PCDH15: variants seen among roughly 807,000 people sequenced by gnomAD.
The protein encoded by PCDH15 is protocadherin-15.
PCDH15 carries 129 observed loss-of-function variants against 178.5 expected under a neutral mutation model. That is an observed-to-expected ratio of 0.72 (90% CI 0.63 to 0.84). The LOEUF is 0.84. PCDH15 is among the 40% of genes least tolerant of loss of function. The probability of loss-of-function intolerance (pLI) is 0.00; values close to 1 mark genes in which losing one functional copy is unlikely to be tolerated. For missense variants in PCDH15, 2,230 were observed against 2,099.9 expected, an observed-to-expected ratio of 1.06 and a Z score of -1.21; for synonymous variants, 800 against 732.0, an observed-to-expected ratio of 1.09 and a Z score of -1.50.
At chr10:55,483,881 T>C (rs185177307) in intron 2 of PCDH15, among the ~76,000 whole-genome samples, 43 of 149,474 alleles carry the variant, frequency 2.9e-4, no homozygotes, top group African/African-American at 9.3e-4. Context: ...CTATTCACAA[T>C]AGCAAAGACA....
intron 10 of PCDH15, among the ~76,000 whole-genome samples, chr10:54,201,157 A>G (rs917787277): frequency 1.3e-5 from 2 of 152,200 alleles, no homozygotes; most frequent in African/African-American, 4.8e-5. Context: ...ATATGGAAAA[A>G]GTGAAAACCA....
chr10:54,229,611 C>T (rs1004944296), intron 9 of PCDH15, among the ~76,000 whole-genome samples: 1 of 152,126 alleles, frequency 6.6e-6, no homozygotes, highest in Non-Finnish European at 1.5e-5. Flanking sequence ...GAATAAGTCT[C>T]ACAAGATCTG....
chr10:54,765,170 T>C (rs1044393721), intron 1 of PCDH15, among the ~76,000 whole-genome samples: 2 of 152,124 alleles, frequency 1.3e-5, no homozygotes, highest in African/African-American at 2.4e-5. Flanking sequence ...AAATTTCACA[T>C]AGGCCACGTG....
intron 1 of PCDH15, among the ~76,000 whole-genome samples, chr10:55,273,210 A>C (rs1842492958): frequency 6.6e-6 from 1 of 152,144 alleles, no homozygotes; most frequent in Non-Finnish European, 1.5e-5. Context: ...AATAATACTA[A>C]AATAAATCAA....
At chr10:54,228,580 G>A (rs1241925515) in intron 9 of PCDH15, among the ~76,000 whole-genome samples, 1 of 152,262 alleles carries the variant, frequency 6.6e-6, no homozygotes, top group Non-Finnish European at 1.5e-5. Context: ...TTTTTTATCA[G>A]GTCCAGAGGC....
At chr10:55,584,923 A>G (rs1842695656) in intron 2 of PCDH15, among the ~76,000 whole-genome samples, 2 of 151,430 alleles carry the variant, frequency 1.3e-5, no homozygotes, top group African/African-American at 4.8e-5. Context: ...GTATTTGAGT[A>G]ATATATAGTT....
intron 2 of PCDH15, among the ~76,000 whole-genome samples, chr10:55,157,084 T>A (rs1002671357): frequency 6.6e-6 from 1 of 151,944 alleles, no homozygotes; most frequent in African/African-American, 2.4e-5. Context: ...ACTTTCATAA[T>A]AAAGTATCTT....
At chr10:54,999,212 C>T (rs1005564178) in intron 2 of PCDH15, among the ~76,000 whole-genome samples, 5 of 152,138 alleles carry the variant, frequency 3.3e-5, no homozygotes, top group African/African-American at 1.2e-4. Context: ...ATTGATAGGA[C>T]AACCTAGCCA....
intron 1 of PCDH15, among the ~76,000 whole-genome samples, chr10:54,793,935 T>C (rs963130774): frequency 4.7e-5 from 7 of 147,604 alleles, no homozygotes; most frequent in East Asian, 2.0e-4. Context: ...CAAAGTTGTA[T>C]AGGAAAACTT....
chr10:55,220,647 G>A (rs963777214), intron 1 of PCDH15, among the ~76,000 whole-genome samples: 5 of 151,938 alleles, frequency 3.3e-5, no homozygotes, highest in East Asian at 3.9e-4. Context: ...TGGTAAGTAC[G>A]TACGTATCTA....
At chr10:55,395,168 C>CGTGTGTGTGTGT (rs35472682) in intron 2 of PCDH15, among the ~76,000 whole-genome samples, 2 of 127,926 alleles carry the variant, frequency 1.6e-5, no homozygotes, top group African/African-American at 6.3e-5. Flanking sequence ...TATTTAACTG[C>CGTGTGTGTGTGT]GTGTGTGTGT....
chr10:54,956,944 C>A (rs747527526), intron 2 of PCDH15, among the ~76,000 whole-genome samples: 32 of 151,550 alleles, frequency 2.1e-4, no homozygotes, highest in Admixed American at 7.9e-4. Context: ...AGGAAGGGAA[C>A]CTTTATCTGT....
intron 2 of PCDH15, among the ~76,000 whole-genome samples, chr10:55,365,715 A>G (rs542206004): frequency 6.6e-6 from 1 of 152,166 alleles, no homozygotes; most frequent in East Asian, 1.9e-4. Flanking sequence ...GTTTGCCGCA[A>G]TCTGAGACAT....
chr10:55,253,784 T>C (rs950295075), intron 1 of PCDH15, among the ~76,000 whole-genome samples: 1 of 152,182 alleles, frequency 6.6e-6, no homozygotes, highest in Non-Finnish European at 1.5e-5. Context: ...AATTAAAGCA[T>C]TTCACTATTT....
At chr10:55,345,655 C>G (rs1016179085) in intron 2 of PCDH15, among the ~76,000 whole-genome samples, 1 of 145,972 alleles carries the variant, frequency 6.9e-6, no homozygotes, top group Non-Finnish European at 1.5e-5. Flanking sequence ...GTCCCTGATA[C>G]TACTATTTTC....
At chr10:54,117,067 G>T (rs2095126697) in intron 15 of PCDH15, among the ~76,000 whole-genome samples, 2 of 152,152 alleles carry the variant, frequency 1.3e-5, no homozygotes, top group African/African-American at 2.4e-5. Context: ...CCTGAGGATT[G>T]CCTGTGACTG....
At chr10:55,523,881 T>C (rs1255738754) in intron 2 of PCDH15, among the ~76,000 whole-genome samples, 1 of 151,572 alleles carries the variant, frequency 6.6e-6, no homozygotes, top group African/African-American at 2.4e-5. Context: ...TCATCTCCTG[T>C]TATAAACAAA....
At position 54,022,985 on chromosome 10, in the gene PCDH15, G is replaced by A. The variant is rs756268682; in HGVS notation, c.2433C>T (p.Asp811=). 1 of 1,613,942 alleles carries A rather than the reference G, an allele frequency of 6.2e-7. No homozygotes were observed. The highest frequency in any genetic ancestry group is 8.5e-7 in the Non-Finnish European group (1 of 1,179,874). The change falls in exon 19 of 38, where the codon GAC becomes GAT. Residue 811 remains aspartate (D), a synonymous_variant. Transcript: ENST00000644397. The part of the protein sequence containing the change: ...STLTLAIKVL[D]IDDNSPVFTN... ...TGAACACAGGACTGTTATCATCAAT[G>A]TCCAAAACCTTGATGGCCAAGGTTA...
chr10:55,390,594 T>C (rs1040359111), intron 2 of PCDH15, among the ~76,000 whole-genome samples: 1 of 152,208 alleles, frequency 6.6e-6, no homozygotes, highest in African/African-American at 2.4e-5. Flanking sequence ...GTTTTCAATT[T>C]ACTTTACCCA....
Sources: gnomAD v4.1 joint callset for allele counts (sites outside exome capture counted in the v4.1 genomes callset) on GRCh38, gnomAD v4.1.1 for gene constraint, MANE v1.5 for transcripts, NCBI Gene and HGNC (gene_info 2026-07-23, HGNC 2026-07-21) for gene names.